Variants in SCFD2 observed in about 807,000 individuals in gnomAD.
The protein encoded by SCFD2 is sec1 family domain-containing protein 2.
A neutral mutation model predicts 58.9 loss-of-function variants in SCFD2; 54 were observed. That is an observed-to-expected ratio of 0.92 (90% CI 0.74 to 1.15). The LOEUF (loss-of-function observed/expected upper bound fraction) is 1.15, where lower values mean the gene tolerates loss of function less well. Ranked by LOEUF, SCFD2 falls within the 50% of genes most tolerant of loss-of-function variation. The pLI is 0.00. For synonymous variants in SCFD2, 321 were observed against 335.9 expected (o/e 0.96, Z 0.49); for missense variants, 805 against 836.6 (o/e 0.96, Z 0.47).
intron 4 of SCFD2, among the ~76,000 whole-genome samples, chr4:53,179,352 TC>T (rs1727462049): frequency 6.6e-6 from 1 of 152,098 alleles, no homozygotes; most frequent in Non-Finnish European, 1.5e-5. Flanking sequence ...TATTCAACAT[TC>T]TTAAAAAAAA....
intron 4 of SCFD2, among the ~76,000 whole-genome samples, chr4:53,241,567 C>T (rs1409659372): frequency 1.3e-5 from 2 of 152,192 alleles, no homozygotes; most frequent in Non-Finnish European, 2.9e-5. Flanking sequence ...TTGATATACA[C>T]CAGCCCACTT....
chr4:53,104,966 T>G (rs1445939617), intron 5 of SCFD2, among the ~76,000 whole-genome samples: 2 of 152,130 alleles, frequency 1.3e-5, no homozygotes. Flanking sequence ...AGGTGATTTC[T>G]GCATTTCCAA....
chr4:52,910,267 C>A (rs979270851), intron 6 of SCFD2, among the ~76,000 whole-genome samples: 3 of 152,192 alleles, frequency 2.0e-5, no homozygotes, highest in Non-Finnish European at 4.4e-5. Context: ...CTCTTCTCTG[C>A]TGGCTGGAAT....
At chr4:53,303,777 A>C (rs1278022151) in intron 3 of SCFD2, among the ~76,000 whole-genome samples, 1 of 151,996 alleles carries the variant, frequency 6.6e-6, no homozygotes, top group Non-Finnish European at 1.5e-5. Context: ...CAGCCATAAA[A>C]AAGGATGAGT....
chr4:53,260,752 T>C (rs1184513307), intron 4 of SCFD2, among the ~76,000 whole-genome samples: 1 of 152,138 alleles, frequency 6.6e-6, no homozygotes, highest in Non-Finnish European at 1.5e-5. Context: ...TAGAATGATT[T>C]AGGGGGGATT....
intron 4 of SCFD2, among the ~76,000 whole-genome samples, chr4:53,207,143 T>C (rs1454596417): frequency 1.3e-5 from 2 of 151,828 alleles, no homozygotes; most frequent in Non-Finnish European, 2.9e-5. Context: ...CCCATGATAA[T>C]ACATTAATCC....
At chr4:53,194,136 A>G (rs2148960541) in intron 4 of SCFD2, among the ~76,000 whole-genome samples, 1 of 152,206 alleles carries the variant, frequency 6.6e-6, no homozygotes, top group South Asian at 2.1e-4. Flanking sequence ...TTTATATAAC[A>G]CCTTTGGTTT....
chr4:53,196,358 G>A (rs1047599189), intron 4 of SCFD2, among the ~76,000 whole-genome samples: 18 of 152,122 alleles, frequency 1.2e-4, no homozygotes, highest in Non-Finnish European at 2.4e-4. Context: ...CAGTGAAAAA[G>A]CTCTTCAAGA....
chr4:52,926,340 G>A (rs149564110), intron 5 of SCFD2, among the ~76,000 whole-genome samples: 3 of 151,942 alleles, frequency 2.0e-5, no homozygotes. Context: ...GTCTGGATTC[G>A]AGCTGAAGTA....
At chr4:53,216,007 G>A (rs553412586) in intron 4 of SCFD2, among the ~76,000 whole-genome samples, 1 of 152,250 alleles carries the variant, frequency 6.6e-6, no homozygotes, top group South Asian at 2.1e-4. Flanking sequence ...ACTTGATCAT[G>A]GTGGATAAGC....
chr4:52,991,977 G>A (rs1721621511), intron 5 of SCFD2, among the ~76,000 whole-genome samples: 1 of 151,998 alleles, frequency 6.6e-6, no homozygotes, highest in South Asian at 2.1e-4. Flanking sequence ...TCTTAAGTAT[G>A]TTTTTGCCTC....
chr4:53,022,591 T>C (rs1184410543), intron 5 of SCFD2, among the ~76,000 whole-genome samples: 1 of 152,162 alleles, frequency 6.6e-6, no homozygotes. Flanking sequence ...GCCTTAGAGT[T>C]GGGAGAACTG....
At chr4:53,175,012 A>G (rs553945491) in intron 4 of SCFD2, among the ~76,000 whole-genome samples, 14 of 152,262 alleles carry the variant, frequency 9.2e-5, no homozygotes, top group African/African-American at 3.4e-4. Flanking sequence ...CTCTAATTTC[A>G]GTTTACTCTG....
At chr4:53,098,153 T>C (rs1169021880) in intron 5 of SCFD2, among the ~76,000 whole-genome samples, 2 of 152,326 alleles carry the variant, frequency 1.3e-5, no homozygotes, top group Admixed American at 1.3e-4. Flanking sequence ...TCGATGTTCA[T>C]CAGGGATATT....
intron 4 of SCFD2, among the ~76,000 whole-genome samples, chr4:53,235,181 A>T (rs183199274): frequency 6.6e-6 from 1 of 152,356 alleles, no homozygotes; most frequent in Non-Finnish European, 1.5e-5. Flanking sequence ...ACCTGGTCTC[A>T]TCTAGTTGGA....
At chr4:53,157,847 C>A (rs1241972008) in intron 4 of SCFD2, among the ~76,000 whole-genome samples, 1 of 152,142 alleles carries the variant, frequency 6.6e-6, no homozygotes, top group Non-Finnish European at 1.5e-5. Context: ...TGGTTGTAAT[C>A]CAGCTTCATC....
chr4:53,041,723 AT>A (rs1252034750), intron 5 of SCFD2, among the ~76,000 whole-genome samples: 1 of 152,158 alleles, frequency 6.6e-6, no homozygotes, highest in Non-Finnish European at 1.5e-5. Context: ...CCCTTAGGAA[AT>A]TCACACATTA....
chr4:53,227,645 T>C (rs1729265925), intron 4 of SCFD2, among the ~76,000 whole-genome samples: 1 of 152,158 alleles, frequency 6.6e-6, no homozygotes, highest in South Asian at 2.1e-4. Flanking sequence ...AAACCCTTTA[T>C]TCCAATATGA....
chr4:53,175,637 C>A (rs1398750732), intron 4 of SCFD2, among the ~76,000 whole-genome samples: 1 of 152,146 alleles, frequency 6.6e-6, no homozygotes, highest in Non-Finnish European at 1.5e-5. Flanking sequence ...AGATCAATGA[C>A]TAATTTAGGA....
Sources: gnomAD v4.1 joint callset for allele counts (sites outside exome capture counted in the v4.1 genomes callset) on GRCh38, gnomAD v4.1.1 for gene constraint, MANE v1.5 for transcripts, NCBI Gene and HGNC (gene_info 2026-07-23, HGNC 2026-07-21) for gene names.